NAV3: variants seen among roughly 807,000 people sequenced by gnomAD.
NAV3 encodes pore membrane and/or filament interacting like protein 1.
NAV3 carries 87 observed loss-of-function variants against 244.7 expected under a neutral mutation model. The observed-to-expected ratio is 0.36, with a 90% CI of 0.30 to 0.42. The LOEUF is 0.42. NAV3 is among the 20% of genes least tolerant of loss of function. The pLI is 1.00. For synonymous variants in NAV3, 1,126 were observed against 1,042.2 expected (o/e 1.08, Z -1.55); for missense variants, 2,663 against 2,893.3 (o/e 0.92, Z 1.83).
chr12:78,187,297 A>G (rs757986084), intron 31 of NAV3, among the ~76,000 whole-genome samples: 1 of 151,862 alleles, frequency 6.6e-6, no homozygotes, highest in Non-Finnish European at 1.5e-5. Flanking sequence ...ACATTTCTTA[A>G]TTAGGTGGTA....
At chr12:77,685,490 C>CAA (rs747094582) in intron 2 of NAV3, among the ~76,000 whole-genome samples, 17,619 of 150,982 alleles carry the variant, frequency 0.12, 1,424 homozygotes, top group Non-Finnish European at 0.17. Context: ...CACACACACA[C>CAA]ACACACACAC....
intron 1 of NAV3, among the ~76,000 whole-genome samples, chr12:77,915,208 AG>A (rs1887004837): frequency 6.6e-6 from 1 of 152,028 alleles, no homozygotes; most frequent in Non-Finnish European, 1.5e-5. Context: ...GCTTAATTTT[AG>A]TGTGTAATTA....
chr12:77,741,148 C>CAAAAAAAAAAAAAAAAAAGAA (rs1868325681), intron 2 of NAV3, among the ~76,000 whole-genome samples: 105 of 68,348 alleles, frequency 1.5e-3, no homozygotes, highest in South Asian at 2.6e-3. Context: ...AAAAAAAAGA[C>CAAAAAAAAAAAAAAAAAAGAA]AAAAAAAAAA....
intron 2 of NAV3, among the ~76,000 whole-genome samples, chr12:77,644,494 C>T (rs930173241): frequency 6.6e-6 from 1 of 152,028 alleles, no homozygotes; most frequent in African/African-American, 2.4e-5. Context: ...TCCTAGTAGA[C>T]TGAGAAGCTT....
intron 11 of NAV3, 105 bp from the exon 12 acceptor site, chr12:78,058,891 A>C (rs866252345): frequency 1.3e-5 from 12 of 895,326 alleles, no homozygotes; most frequent in Middle Eastern, 5.2e-4. Flanking sequence ...AATAGAATAT[A>C]TTTGAGTAAT....
intron 2 of NAV3, among the ~76,000 whole-genome samples, chr12:77,737,231 A>G (rs1341062778): frequency 1.3e-5 from 2 of 149,272 alleles, no homozygotes; most frequent in Non-Finnish European, 3.0e-5. Context: ...AGAAGGATCT[A>G]GGATGCAGGT....
intron 2 of NAV3, among the ~76,000 whole-genome samples, chr12:77,688,828 G>A (rs1349869564): frequency 6.6e-6 from 1 of 151,678 alleles, no homozygotes. Flanking sequence ...GGAAAAGGAA[G>A]GTTATGTCTA....
chr12:77,801,337 G>A (rs749118919), intron 2 of NAV3, among the ~76,000 whole-genome samples: 4 of 152,046 alleles, frequency 2.6e-5, no homozygotes, highest in Non-Finnish European at 5.9e-5. Flanking sequence ...TTTTAGGTAT[G>A]TGCTGGGTTT....
At chr12:77,963,168 A>G (rs891173992) in intron 3 of NAV3, among the ~76,000 whole-genome samples, 1 of 152,182 alleles carries the variant, frequency 6.6e-6, no homozygotes, top group Non-Finnish European at 1.5e-5. Context: ...GACATTAAAT[A>G]TGGAAAAAAG....
intron 1 of NAV3, among the ~76,000 whole-genome samples, chr12:77,903,322 C>T (rs1439904441): frequency 6.6e-6 from 1 of 151,970 alleles, no homozygotes; most frequent in African/African-American, 2.4e-5. Context: ...CAGAACAGAG[C>T]CCTCAGAAAT....
At chr12:77,819,664 A>C (rs1872656441) in intron 2 of NAV3, among the ~76,000 whole-genome samples, 1 of 152,148 alleles carries the variant, frequency 6.6e-6, no homozygotes, top group South Asian at 2.1e-4. Flanking sequence ...ATATTTAGCA[A>C]GACAATATGG....
At chr12:77,690,055 G>C (rs1279412630) in intron 2 of NAV3, among the ~76,000 whole-genome samples, 1 of 151,704 alleles carries the variant, frequency 6.6e-6, no homozygotes, top group Non-Finnish European at 1.5e-5. Context: ...TAGGTAAGTG[G>C]TTCTGTTACT....
intron 2 of NAV3, among the ~76,000 whole-genome samples, chr12:77,690,846 T>G (rs539791865): frequency 6.6e-5 from 1 of 15,152 alleles, no homozygotes; most frequent in African/African-American, 2.7e-4. Context: ...CTTCCTAATA[T>G]AAAAAGGAGC....
At position 78,196,912 on chromosome 12, in the gene NAV3, A is replaced by G. The variant is rs143499925; in HGVS notation, c.6292-335A>G. On this transcript the variant is annotated intron_variant, in intron 34 of 39. Transcript: ENST00000397909. ...AAAATCTCAATATATGTGGTTTATC[A>G]TAAGAGTTCATATCCAGAACTCATT... 7.7e-3 allele frequency among the ~76,000 whole-genome samples: 1,176 copies of G among 152,094 alleles called. 13 individuals carry two copies. Among genetic ancestry groups the G allele is most frequent in the Non-Finnish European group, 0.013 (916 of 67,898 alleles).
intron 1 of NAV3, among the ~76,000 whole-genome samples, chr12:77,873,689 A>ACG (rs1881356406): frequency 3.0e-5 from 3 of 100,756 alleles, no homozygotes; most frequent in African/African-American, 1.3e-4. Flanking sequence ...GTATATATAT[A>ACG]TATATATATA....
intron 38 of NAV3, among the ~76,000 whole-genome samples, chr12:78,203,573 T>C (rs909270434): frequency 6.6e-6 from 1 of 152,116 alleles, no homozygotes; most frequent in Admixed American, 6.6e-5. Context: ...AAAAGAAAAC[T>C]CCAAGGCAGT....
intron 2 of NAV3, among the ~76,000 whole-genome samples, chr12:77,645,536 T>TAAAAAAAAAAAAAAAAAAAAAAAAAA (rs756805711): frequency 3.2e-5 from 2 of 63,028 alleles, no homozygotes; most frequent in African/African-American, 1.5e-4. Context: ...TCTCTCTCTC[T>TAAAAAAAAAAAAAAAAAAAAAAAAAA]AAAAAAAAAA....
intron 24 of NAV3, among the ~76,000 whole-genome samples, chr12:78,170,040 C>T (rs1446071923): frequency 6.6e-6 from 1 of 151,550 alleles, no homozygotes; most frequent in African/African-American, 2.4e-5. Flanking sequence ...TATAGAAAAT[C>T]ATCTCATACT....
chr12:77,797,010 A>G (rs1337012131), intron 2 of NAV3, among the ~76,000 whole-genome samples: 1 of 152,190 alleles, frequency 6.6e-6, no homozygotes, highest in East Asian at 1.9e-4. Flanking sequence ...AGGTATGCCT[A>G]TATCTGGATT....
Sources: gnomAD v4.1 joint callset for allele counts (sites outside exome capture counted in the v4.1 genomes callset) on GRCh38, gnomAD v4.1.1 for gene constraint, MANE v1.5 for transcripts, NCBI Gene and HGNC (gene_info 2026-07-23, HGNC 2026-07-21) for gene names.